Variants in EIF2A observed in about 807,000 individuals in gnomAD.
The protein encoded by EIF2A is eukaryotic translation initiation factor 2A.
A neutral mutation model predicts 75.2 loss-of-function variants in EIF2A; 62 were observed. The ratio of observed to expected loss-of-function variants is 0.82; its 90% CI spans 0.67 to 1.02. The LOEUF (loss-of-function observed/expected upper bound fraction) is 1.02, where lower values mean the gene tolerates loss of function less well. Among genes scored for constraint, EIF2A ranks in the 50% least tolerant of loss-of-function variants. The probability of loss-of-function intolerance (pLI) is 0.00; values close to 1 mark genes in which losing one functional copy is unlikely to be tolerated. For synonymous variants in EIF2A, 207 were observed against 239.0 expected (o/e 0.87, Z 1.23); for missense variants, 611 against 677.7 (o/e 0.90, Z 1.09).
intron 5 of EIF2A, among the ~76,000 whole-genome samples, chr3:150,564,052 C>G (rs1303952224): frequency 1.3e-5 from 2 of 152,160 alleles, no homozygotes; most frequent in Non-Finnish European, 1.5e-5. Flanking sequence ...CTCCTGACCT[C>G]AGGTGATCCA....
At chr3:150,580,087 G>A (rs1351676743) in intron 11 of EIF2A, among the ~76,000 whole-genome samples, 2 of 152,114 alleles carry the variant, frequency 1.3e-5, no homozygotes, top group African/African-American at 4.8e-5. Context: ...AGTTCTAATG[G>A]GGAATGGTAG....
chr3:150,579,737 T>C (rs1725066228), intron 11 of EIF2A, among the ~76,000 whole-genome samples: 1 of 151,768 alleles, frequency 6.6e-6, no homozygotes, highest in South Asian at 2.1e-4. Context: ...TGACTTCAAT[T>C]CTGTATTTTC....
At chr3:150,573,967 T>C (rs1417585684) in intron 10 of EIF2A, among the ~76,000 whole-genome samples, 1 of 152,152 alleles carries the variant, frequency 6.6e-6, no homozygotes, top group Non-Finnish European at 1.5e-5. Context: ...CTCAGCACTT[T>C]GGGAGACCGA....
intron 11 of EIF2A, among the ~76,000 whole-genome samples, chr3:150,580,316 G>C (rs1040479037): frequency 6.6e-6 from 1 of 152,148 alleles, no homozygotes; most frequent in African/African-American, 2.4e-5. Flanking sequence ...ACCACAGATA[G>C]TACCGAACCC....
chr3:150,554,324 T>C (rs1485721389), intron 2 of EIF2A, among the ~76,000 whole-genome samples: 1 of 152,204 alleles, frequency 6.6e-6, no homozygotes, highest in East Asian at 1.9e-4. Context: ...AGCATTTATC[T>C]TGCCTTTCTT....
At chr3:150,570,805 G>A (rs1724466837) in intron 9 of EIF2A, among the ~76,000 whole-genome samples, 2 of 152,052 alleles carry the variant, frequency 1.3e-5, no homozygotes, top group East Asian at 1.9e-4. Context: ...GCTCATGCCT[G>A]TAATCAATCC....
chr3:150,582,227 C>G (rs1206936107), intron 12 of EIF2A, among the ~76,000 whole-genome samples: 4 of 151,840 alleles, frequency 2.6e-5, no homozygotes, highest in African/African-American at 9.7e-5. Flanking sequence ...TCTCAAACTC[C>G]TGCCCTCAGG....
At chr3:150,578,473 A>C (rs1559886083) in intron 11 of EIF2A, among the ~76,000 whole-genome samples, 1 of 151,554 alleles carries the variant, frequency 6.6e-6, no homozygotes, top group Non-Finnish European at 1.5e-5. Context: ...ATAAATGTGT[A>C]ACTCTTTATA....
At chr3:150,568,104 T>C in intron 8 of EIF2A, 58 bp downstream of exon 8, 1 of 1,600,276 alleles carries the variant, frequency 6.2e-7, no homozygotes, top group Non-Finnish European at 8.5e-7. Flanking sequence ...TTAGGCTATA[T>C]TCCTATGTGT....
intron 6 of EIF2A, chr3:150,564,900 C>T (rs1248125683): frequency 5.6e-6 from 1 of 179,886 alleles, no homozygotes; most frequent in Non-Finnish European, 1.2e-5. Flanking sequence ...AGCCACAAAA[C>T]CATTATCACA....
chr3:150,572,855 C>CAAA (rs774758560), intron 10 of EIF2A, among the ~76,000 whole-genome samples: 18 of 101,972 alleles, frequency 1.8e-4, no homozygotes, highest in East Asian at 8.4e-4. Context: ...GACTCCGTCT[C>CAAA]AAAAAAAAAA....
At chr3:150,562,765 TA>T in intron 4 of EIF2A, 105 bp downstream of exon 4, 1 of 760,744 alleles carries the variant, frequency 1.3e-6, no homozygotes, top group Non-Finnish European at 2.1e-6. Context: ...AATTAGTCTT[TA>T]TGATAGTAAA....
chr3:150,574,221 CAA>C (rs1392547725), intron 10 of EIF2A, among the ~76,000 whole-genome samples: 2 of 152,062 alleles, frequency 1.3e-5, no homozygotes, highest in Non-Finnish European at 2.9e-5. Context: ...ACTGAATAAA[CAA>C]AGTTTATTAA....
chr3:150,561,306 G>C (rs550065716), intron 3 of EIF2A, among the ~76,000 whole-genome samples: 6 of 152,068 alleles, frequency 3.9e-5, no homozygotes, highest in African/African-American at 1.4e-4. Flanking sequence ...GGCCGGACAC[G>C]GTGGCTCATA....
chr3:150,575,258 C>A (rs2107959631), intron 10 of EIF2A, among the ~76,000 whole-genome samples: 1 of 152,118 alleles, frequency 6.6e-6, no homozygotes, highest in South Asian at 2.1e-4. Context: ...GCAAGTAATT[C>A]TTTGTGTGAA....
chr3:150,582,766 T>TA (rs1296773360), intron 12 of EIF2A, among the ~76,000 whole-genome samples: 3 of 152,088 alleles, frequency 2.0e-5, no homozygotes, highest in South Asian at 2.1e-4. Flanking sequence ...GCCCTGGGGA[T>TA]AAAAAAAGGT....
chr3:150,584,399 A>T lies in EIF2A; in HGVS notation c.*488A>T, dbSNP rs940208601. Among the ~76,000 whole-genome samples, 7 of 152,198 alleles carry T rather than the reference A, an allele frequency of 4.6e-5. No individual in the cohort carries two copies. The highest frequency in any genetic ancestry group is 1.0e-4 in the Non-Finnish European group (7 of 68,026). On this transcript the variant is annotated 3_prime_UTR_variant, in exon 14 of 14. Transcript: ENST00000460851. ...AGGCCATAAATTTAAGAAATTTGTC[A>T]GTGTCTCAAAGCTAGGAAATGGCCA...
chr3:150,584,586 AC>A lies in EIF2A; in HGVS notation c.*676del, dbSNP rs1725367030. 6.6e-6 allele frequency among the ~76,000 whole-genome samples: 1 copy of A among 152,188 alleles called. No homozygotes were observed. On this transcript the variant is annotated 3_prime_UTR_variant, in exon 14 of 14. Coordinates refer to ENST00000460851, the MANE Select transcript of EIF2A (RefSeq NM_032025.5). ...ATACTTGCACCATTTAAAGTTTTCCACACTGTTGGCAATATCAGAAGTGATA... is the reference window on the plus strand; with the variant it reads ...ATACTTGCACCATTTAAAGTTTTCCAACTGTTGGCAATATCAGAAGTGATA...
chr3:150,575,841 C>A lies in EIF2A; in HGVS notation c.1497+79C>A, dbSNP rs937508235. 3.2e-6 allele frequency: 4 copies of A among 1,236,986 alleles called. No individual in the cohort carries two copies. The African/African-American group carries it at 6.2e-5, about 19-fold the overall frequency. The allele number at this position is 1,236,986 out of a possible 1,614,324, so 76.6% of individuals were successfully genotyped here. A position where few individuals can be genotyped will look rare whatever the true frequency, so the allele number is the denominator to read the frequency against. ...CAGTGGCTCACGCCCGTAATCCCAG[C>A]ACTTTGGGAGGCTGAGGCGAGTGGA... is the stretch of plus-strand genomic sequence containing the variant. On this transcript the variant is annotated intron_variant, in intron 11 of 13. Transcript: ENST00000460851.
Sources: gnomAD v4.1 joint callset for allele counts (sites outside exome capture counted in the v4.1 genomes callset) on GRCh38, gnomAD v4.1.1 for gene constraint, MANE v1.5 for transcripts, NCBI Gene and HGNC (gene_info 2026-07-23, HGNC 2026-07-21) for gene names.